Variants in C15orf40 observed in about 807,000 individuals in gnomAD.
C15orf40 encodes the protein chromosome 15 open reading frame 40.
In C15orf40, 9 loss-of-function variants were observed where a neutral mutation model predicts 13.9. The ratio of observed to expected loss-of-function variants is 0.65; its 90% CI spans 0.39 to 1.13. C15orf40 has a LOEUF of 1.13. C15orf40 is among the 50% of genes most tolerant of loss of function. The pLI is 0.01. For synonymous variants in C15orf40, 95 were observed against 69.2 expected, an observed-to-expected ratio of 1.37 and a Z score of -1.85; for missense variants, 225 against 188.5, an observed-to-expected ratio of 1.19 and a Z score of -1.13.
rs2031586789 is a variant in C15orf40, at chr15:83,004,812, T to C, written c.*785A>G. ...AGCAGCATAACAGGTTTTCTGTCAC[T>C]TGTAAACTGGATTAGAAGGCAATCC... On this transcript the variant is annotated 3_prime_UTR_variant, in exon 4 of 4. Coordinates refer to ENST00000304177, the MANE Select transcript of C15orf40 (RefSeq NM_144597.3). The C allele has an allele frequency of 2.4e-6, 3 of 1,250,478 alleles. No individual in the cohort carries two copies. Among genetic ancestry groups the C allele is most frequent in the Non-Finnish European group, 3.1e-6 (3 of 956,734 alleles). The allele number at this position is 1,250,478 out of a possible 1,614,324, so 77.5% of individuals were successfully genotyped here. A position where few individuals can be genotyped will look rare whatever the true frequency, so the allele number is the denominator to read the frequency against.
chr15:82,995,014 C>T lies in C15orf40; in HGVS notation c.*10583G>A, dbSNP rs2030997084. 6.6e-6 allele frequency: 1 copy of T among 152,146 alleles called. No individual in the cohort carries two copies. Among genetic ancestry groups the T allele is most frequent in the South Asian group, 2.1e-4 (1 of 4,826 alleles). 9.4% of individuals were successfully genotyped at this position (152,146 alleles called of 1,614,324 possible). A position where few individuals can be genotyped will look rare whatever the true frequency, so the allele number is the denominator to read the frequency against. Reference sequence around the variant, plus strand: ...CATAATATCTAAACAAAGATTTCTCCTGACATCTGCTGTATTAAATTATTA... The same window carrying T: ...CATAATATCTAAACAAAGATTTCTCTTGACATCTGCTGTATTAAATTATTA... On this transcript the variant is annotated 3_prime_UTR_variant, in exon 4 of 4. Transcript: ENST00000304177.
At chr15:83,006,944 A>G (rs2031719487) in intron 3 of C15orf40, among the ~76,000 whole-genome samples, 1 of 152,226 alleles carries the variant, frequency 6.6e-6, no homozygotes, top group Non-Finnish European at 1.5e-5. Context: ...ACAGGTGGGG[A>G]GCATTCAAAT....
chr15:83,011,540 AGCC>A lies in C15orf40; in HGVS notation c.65_67del (p.Arg22del). On this transcript the variant is annotated inframe_deletion, in exon 1 of 4. Transcript: ENST00000304177. ...CTTCTTAGGCATCTCGGCGCAAAGA[AGCC>A]GAGCGGAGCCCCGAGTATTGGGTGT... The A allele has an allele frequency of 6.2e-7, 1 of 1,605,862 alleles. No homozygotes were observed. The highest frequency in any genetic ancestry group is 8.5e-7 in the Non-Finnish European group (1 of 1,178,216).
At chr15:82,990,680 G>A, downstream of C15orf40, 1 of 1,514,630 alleles carries the variant, frequency 6.6e-7, no homozygotes, top group South Asian at 1.2e-5. Context: ...AGGAATCATT[G>A]TCAGTTTGTG....
Position 83,004,951 on chromosome 15 carries a change from T to C in C15orf40, c.*646A>G. On this transcript the variant is annotated 3_prime_UTR_variant, in exon 4 of 4. Transcript: ENST00000304177. ...CTAGTTGCCAGCTTGCATGGTACAA[T>C]CTTGAGTAAGTCTCTCAACTTCTGG... 7.7e-7 allele frequency: 1 copy of C among 1,291,984 alleles called. No individual in the cohort carries two copies. Among genetic ancestry groups the C allele is most frequent in the Non-Finnish European group, 1.0e-6 (1 of 977,358 alleles). The allele number at this position is 1,291,984 out of a possible 1,614,324, so 80.0% of individuals were successfully genotyped here.
In C15orf40 at chr15:83,003,264, T is replaced by G. The variant is rs1426986198; in HGVS notation, c.*2333A>C. 2 of 152,074 alleles carry G rather than the reference T, an allele frequency of 1.3e-5. No homozygotes were observed. The highest frequency in any genetic ancestry group is 2.4e-5 in the African/African-American group (1 of 41,356). 9.4% of individuals were successfully genotyped at this position (152,074 alleles called of 1,614,324 possible). A position where few individuals can be genotyped will look rare whatever the true frequency, so the allele number is the denominator to read the frequency against. ...CCTCAGCCTCCCGAGTAGCTGCAATTACAGGCATGTGCCACCACGCCCAGC... is the reference window on the plus strand; with the variant it reads ...CCTCAGCCTCCCGAGTAGCTGCAATGACAGGCATGTGCCACCACGCCCAGC... On this transcript the variant is annotated 3_prime_UTR_variant, in exon 4 of 4. Transcript: ENST00000304177.
chr15:82,990,702 TG>T, downstream of C15orf40: 2 of 1,461,930 alleles, frequency 1.4e-6, no homozygotes, highest in Non-Finnish European at 1.9e-6. Flanking sequence ...CTTGATCTGG[TG>T]GTGGTTGGGA....
downstream of C15orf40, among the ~76,000 whole-genome samples, chr15:82,993,585 G>A (rs1364705718): frequency 3.9e-5 from 6 of 152,174 alleles, no homozygotes; most frequent in Non-Finnish European, 8.8e-5. Flanking sequence ...GGCCAAGGAG[G>A]TGGACCATCT....
intron 3 of C15orf40, 98 bp from the exon 4 acceptor site, chr15:83,005,790 T>C: frequency 1.4e-6 from 2 of 1,427,718 alleles, no homozygotes; most frequent in South Asian, 3.0e-5. Flanking sequence ...TCCTGATGGC[T>C]TTCTCTTGGT....
In C15orf40 at chr15:83,001,718, G is replaced by C. The variant is rs376206607; in HGVS notation, c.*3879C>G. On this transcript the variant is annotated 3_prime_UTR_variant, in exon 4 of 4. Transcript: ENST00000304177. ...GTACATTAACTGAGCTTCTACAGCAGGTCAAGGTGCCCAAGCCTTAGCTGT... is the reference window on the plus strand; with the variant it reads ...GTACATTAACTGAGCTTCTACAGCACGTCAAGGTGCCCAAGCCTTAGCTGT... 110 of 152,344 alleles carry C rather than the reference G, an allele frequency of 7.2e-4. No homozygotes were observed. The highest frequency in any genetic ancestry group is 2.6e-3 in the African/African-American group (108 of 41,572). 9.4% of individuals were successfully genotyped at this position (152,344 alleles called of 1,614,324 possible). A position where few individuals can be genotyped will look rare whatever the true frequency, so the allele number is the denominator to read the frequency against.
chr15:83,004,867 G>A lies in C15orf40; in HGVS notation c.*730C>T. On this transcript the variant is annotated 3_prime_UTR_variant, in exon 4 of 4. Transcript: ENST00000304177. ...AATTCCAGAACCGTTGTGGAGATAT[G>A]ATTTTTAATTTACAATCTAGAAAAA... 4 of 1,303,188 alleles carry A rather than the reference G, an allele frequency of 3.1e-6. No homozygotes were observed. Among genetic ancestry groups the A allele is most frequent in the Non-Finnish European group, 4.0e-6 (4 of 987,752 alleles). The allele number at this position is 1,303,188 out of a possible 1,614,324, so 80.7% of individuals were successfully genotyped here.
In C15orf40 at chr15:83,011,522, G is replaced by C; in HGVS notation, c.86C>G (p.Pro29Arg). ...GSARLLCAEM[P>R]KKAGATTKGK... ...CTTGGTCGTCGCACCAGCCTTCTTA[G>C]GCATCTCGGCGCAAAGAAGCCGAGC... is the stretch of plus-strand genomic sequence containing the variant. The change falls in exon 1 of 4, where the codon CCT (proline) becomes CGT (arginine). Residue 29 changes from proline to arginine, a missense_variant. By Grantham distance (103) the Pro-to-Arg change is moderately radical. Coordinates refer to ENST00000304177, the MANE Select transcript of C15orf40 (RefSeq NM_144597.3). 3.1e-6 allele frequency: 5 copies of C among 1,607,460 alleles called. No homozygotes were observed. The highest frequency in any genetic ancestry group is 4.2e-6 in the Non-Finnish European group (5 of 1,178,398).
chr15:83,004,424 T>C lies in C15orf40; in HGVS notation c.*1173A>G. On this transcript the variant is annotated 3_prime_UTR_variant, in exon 4 of 4. Coordinates refer to ENST00000304177, the MANE Select transcript of C15orf40 (RefSeq NM_144597.3). ...TCAGCAAAGGAAATTAATTTTATTT[T>C]CTTTAATAAATTACTATAACTTGAC... 1 of 923,828 alleles carries C rather than the reference T, an allele frequency of 1.1e-6. No individual in the cohort carries two copies. The highest frequency in any genetic ancestry group is 1.3e-6 in the Non-Finnish European group (1 of 773,768). 57.2% of individuals were successfully genotyped at this position (923,828 alleles called of 1,614,324 possible).
rs1187661103 is a variant in C15orf40 at position 83,001,570 on chromosome 15, G to A, written c.*4027C>T. On this transcript the variant is annotated 3_prime_UTR_variant, in exon 4 of 4. Transcript: ENST00000304177. ...ACTCACTTGAAATTAATGGGAGTGA[G>A]CAAAGCTAGAACCATGTCATTAGAC... 6.6e-6 allele frequency: 1 copy of A among 152,420 alleles called. No individual in the cohort carries two copies. Among genetic ancestry groups the A allele is most frequent in the Non-Finnish European group, 1.5e-5 (1 of 68,206 alleles). The allele number at this position is 152,420 out of a possible 1,614,324, so 9.4% of individuals were successfully genotyped here.
At chr15:83,006,030 G>C (rs2031661611) in intron 3 of C15orf40, among the ~76,000 whole-genome samples, 1 of 151,918 alleles carries the variant, frequency 6.6e-6, no homozygotes, top group African/African-American at 2.4e-5. Context: ...AGGAGTTCAA[G>C]ACCAGCCTGA....
In C15orf40 at chr15:82,996,729, G is replaced by A. The variant is rs1161745099; in HGVS notation, c.*8868C>T. The A allele has an allele frequency of 6.6e-6, 1 of 151,556 alleles. No individual in the cohort carries two copies. The highest frequency in any genetic ancestry group is 6.6e-5 in the Admixed American group (1 of 15,244). The allele number at this position is 151,556 out of a possible 1,614,324, so 9.4% of individuals were successfully genotyped here. Reference sequence around the variant, plus strand: ...ATACAAAAATGAATAATTTTGGCTGGATGCAGTGGTTCACGCCTGTAATCC... The same window carrying A: ...ATACAAAAATGAATAATTTTGGCTGAATGCAGTGGTTCACGCCTGTAATCC... On this transcript the variant is annotated 3_prime_UTR_variant, in exon 4 of 4. Transcript: ENST00000304177.
Position 82,997,211 on chromosome 15 carries a change from T to C in C15orf40, c.*8386A>G, listed in dbSNP as rs2031132890. 1.0e-5 allele frequency: 1 copy of C among 96,200 alleles called. No individual in the cohort carries two copies. Among genetic ancestry groups the C allele is most frequent in the South Asian group, 2.3e-4 (1 of 4,360 alleles). 6.0% of individuals were successfully genotyped at this position (96,200 alleles called of 1,614,324 possible). A position where few individuals can be genotyped will look rare whatever the true frequency, so the allele number is the denominator to read the frequency against. On this transcript the variant is annotated 3_prime_UTR_variant, in exon 4 of 4. Transcript: ENST00000304177. ...TGCTTTTGTTTTTCATTTTTATTTATTTATTTTTATTTTTTTTTAATTTAT... is the reference window on the plus strand; with the variant it reads ...TGCTTTTGTTTTTCATTTTTATTTACTTATTTTTATTTTTTTTTAATTTAT...
chr15:83,001,105 A>T lies in C15orf40; in HGVS notation c.*4492T>A. 2.0e-6 allele frequency: 2 copies of T among 985,590 alleles called. No homozygotes were observed. The highest frequency in any genetic ancestry group is 2.4e-6 in the Non-Finnish European group (2 of 830,044). The allele number at this position is 985,590 out of a possible 1,614,324, so 61.1% of individuals were successfully genotyped here. On this transcript the variant is annotated 3_prime_UTR_variant, in exon 4 of 4. Coordinates refer to ENST00000304177, the MANE Select transcript of C15orf40 (RefSeq NM_144597.3). The stretch of plus-strand genomic sequence containing the variant: ...TGGGATTACAGGCATAAGCCACTGC[A>T]CTGGCCTAGGTGTGCACTGCAAAGG...
chr15:83,010,272 T>C lies in C15orf40; in HGVS notation c.203A>G (p.His68Arg), dbSNP rs762141610. Residue 68 changes from histidine (H) to arginine (R), a missense_variant, in exon 2 of 4, where the codon CAT becomes CGT. Transcript: ENST00000304177. ...DPKGCVTIAI[H>R]AKPGSKQNAV... is the part of the protein sequence containing the mutation. ...ATTTTGTTTGGAGCCAGGTTTTGCA[T>C]GGATGGCTATGGTGACGCATCCTTT... 5 of 1,614,122 alleles carry C rather than the reference T, an allele frequency of 3.1e-6. No individual in the cohort carries two copies. The highest frequency in any genetic ancestry group is 4.2e-6 in the Non-Finnish European group (5 of 1,180,040).
Sources: allele counts gnomAD v4.1 joint callset (sites outside exome capture counted in the v4.1 genomes callset), GRCh38; gene constraint gnomAD v4.1.1; transcripts MANE v1.5; gene names NCBI Gene and HGNC (gene_info 2026-07-23, HGNC 2026-07-21).